The following MACROD2 variants were observed in gnomAD, a reference collection of about 807,000 sequenced individuals.
The protein encoded by MACROD2 is mono-ADP ribosylhydrolase 2, also known as ADP-ribose glycohydrolase MACROD2.
A neutral mutation model predicts 70.4 loss-of-function variants in MACROD2; 36 were observed. The observed-to-expected ratio is 0.51, with a 90% confidence interval of 0.39 to 0.68. The LOEUF is 0.68. Ranked by LOEUF, MACROD2 falls within the 30% of genes least tolerant of loss-of-function variation. The probability of loss-of-function intolerance (pLI) is 0.00; values close to 1 mark genes in which losing one functional copy is unlikely to be tolerated. For synonymous variants in MACROD2, 172 were observed against 178.8 expected (o/e 0.96, Z 0.30); for missense variants, 496 against 538.4 (o/e 0.92, Z 0.78).
At chr20:14,739,819 C>T (rs2071711887) in intron 5 of MACROD2, among the ~76,000 whole-genome samples, 2 of 151,560 alleles carry the variant, frequency 1.3e-5, no homozygotes, top group Admixed American at 1.3e-4. Context: ...AATAAAAGAC[C>T]ATTGAAGTTA....
chr20:14,143,045 T>G (rs2054898160), intron 3 of MACROD2, among the ~76,000 whole-genome samples: 1 of 152,210 alleles, frequency 6.6e-6, no homozygotes, highest in South Asian at 2.1e-4. Flanking sequence ...TTTCATGTCT[T>G]TCATCATTCT....
chr20:15,506,719 C>T (rs73096268), intron 8 of MACROD2, among the ~76,000 whole-genome samples: 15 of 152,204 alleles, frequency 9.9e-5, no homozygotes, highest in East Asian at 5.8e-4. Flanking sequence ...TTATATATTT[C>T]GAAACAAGCT....
At chr20:16,040,286 T>C (rs902805077) in intron 15 of MACROD2, among the ~76,000 whole-genome samples, 1 of 151,920 alleles carries the variant, frequency 6.6e-6, no homozygotes, top group Non-Finnish European at 1.5e-5. Context: ...ACTGGATCTT[T>C]CCTGTCCTTG....
rs575000896 is a variant in MACROD2 at position 14,841,772 on chromosome 20, C to T, written c.418+156813C>T. Among the ~76,000 whole-genome samples, 10 of 152,076 alleles carry T rather than the reference C, an allele frequency of 6.6e-5. No homozygotes were observed. The East Asian group carries it at 1.5e-3, about 23-fold the overall frequency. On this transcript the variant is annotated intron_variant, in intron 5 of 17. Transcript: ENST00000684519. ...TCATTTATAAGGTGGTAATGCACCA[C>T]GAAAGGAATTGCATATTTTGGGTAA...
At chr20:15,481,364 A>G (rs1161060520) in intron 7 of MACROD2, among the ~76,000 whole-genome samples, 1 of 152,224 alleles carries the variant, frequency 6.6e-6, no homozygotes, top group Non-Finnish European at 1.5e-5. Context: ...TGCTTTCTAA[A>G]CATGAGGCAG....
At chr20:14,329,042 G>C (rs1455199736) in intron 3 of MACROD2, 1 of 151,994 alleles carries the variant, frequency 6.6e-6, no homozygotes, top group Non-Finnish European at 1.5e-5. Flanking sequence ...ATAGTAATAG[G>C]TTTTTCAGGC....
intron 3 of MACROD2, chr20:14,324,891 A>C (rs566407852): frequency 4.3e-4 from 65 of 152,556 alleles, no homozygotes; most frequent in Non-Finnish European, 5.9e-4. Context: ...TGCTCCTTTT[A>C]TGCCAGCTGA....
chr20:15,181,667 A>G (rs2076501917), intron 5 of MACROD2, among the ~76,000 whole-genome samples: 3 of 152,304 alleles, frequency 2.0e-5, no homozygotes, highest in African/African-American at 4.8e-5. Flanking sequence ...TTGGATTACT[A>G]TAGATGGTGT....
At chr20:14,907,434 C>G (rs1392796701) in intron 5 of MACROD2, among the ~76,000 whole-genome samples, 1 of 152,126 alleles carries the variant, frequency 6.6e-6, no homozygotes, top group Non-Finnish European at 1.5e-5. Context: ...GAACTAAGCC[C>G]CAATTTGGGG....
intron 8 of MACROD2, among the ~76,000 whole-genome samples, chr20:15,504,254 C>T (rs1253658970): frequency 6.6e-6 from 1 of 152,178 alleles, no homozygotes; most frequent in East Asian, 1.9e-4. Context: ...ACTCCAAGGG[C>T]ACAGCATATA....
intron 3 of MACROD2, among the ~76,000 whole-genome samples, chr20:14,203,072 C>G (rs1240500899): frequency 1.3e-5 from 2 of 150,936 alleles, no homozygotes; most frequent in Non-Finnish European, 3.0e-5. Context: ...GGCACTAACT[C>G]TATTAAATTA....
chr20:15,605,805 C>T (rs757850954), intron 8 of MACROD2, among the ~76,000 whole-genome samples: 1 of 152,114 alleles, frequency 6.6e-6, no homozygotes, highest in Non-Finnish European at 1.5e-5. Flanking sequence ...ACTCACTTTC[C>T]ATCATGTCCG....
chr20:14,884,500 T>C (rs1194188278), intron 5 of MACROD2: 1 of 152,174 alleles, frequency 6.6e-6, no homozygotes, highest in Non-Finnish European at 1.5e-5. Context: ...AAACTGCCAC[T>C]CTTTTTCAGT....
chr20:15,804,306 T>TA (rs1269796408), intron 8 of MACROD2, among the ~76,000 whole-genome samples: 2 of 152,224 alleles, frequency 1.3e-5, no homozygotes, highest in African/African-American at 2.4e-5. Flanking sequence ...ATGCTGTCCT[T>TA]ATGTGTATAC....
chr20:15,210,310 G>A (rs985279349), intron 5 of MACROD2, among the ~76,000 whole-genome samples: 1 of 152,168 alleles, frequency 6.6e-6, no homozygotes, highest in Non-Finnish European at 1.5e-5. Context: ...AGTGGCAAAG[G>A]TTTATCTGAC....
intron 8 of MACROD2, among the ~76,000 whole-genome samples, chr20:15,674,379 A>G (rs1452498694): frequency 6.6e-6 from 1 of 152,148 alleles, no homozygotes; most frequent in Non-Finnish European, 1.5e-5. Flanking sequence ...GAGGGGAGGC[A>G]GTGCGACAGG....
At chr20:15,728,141 A>C (rs1358287854) in intron 8 of MACROD2, among the ~76,000 whole-genome samples, 1 of 152,080 alleles carries the variant, frequency 6.6e-6, no homozygotes, top group Non-Finnish European at 1.5e-5. Flanking sequence ...AGCCTTTTTT[A>C]GCATCTATTG....
intron 13 of MACROD2, among the ~76,000 whole-genome samples, chr20:15,978,699 G>A (rs2066350733): frequency 1.3e-5 from 2 of 152,068 alleles, no homozygotes; most frequent in South Asian, 4.1e-4. Flanking sequence ...AAGTGGAAAG[G>A]TCTTGATCAA....
chr20:14,067,989 A>G (rs1015625980), intron 2 of MACROD2, among the ~76,000 whole-genome samples: 5 of 152,172 alleles, frequency 3.3e-5, no homozygotes, highest in Admixed American at 1.3e-4. Flanking sequence ...AAATATTAAC[A>G]TAGAGAAACA....
Sources: gnomAD v4.1 joint callset for allele counts (sites outside exome capture counted in the v4.1 genomes callset) on GRCh38, gnomAD v4.1.1 for gene constraint, MANE v1.5 for transcripts, NCBI Gene and HGNC (gene_info 2026-07-23, HGNC 2026-07-21) for gene names.